Variants in PDE4D observed in about 807,000 individuals in gnomAD.
PDE4D encodes the protein phosphodiesterase 4D, also known as 3',5'-cyclic-AMP phosphodiesterase 4D.
In PDE4D, 24 loss-of-function variants were observed where a neutral mutation model predicts 87.4. The observed-to-expected ratio is 0.27, with a 90% CI of 0.20 to 0.39. The LOEUF (loss-of-function observed/expected upper bound fraction) is 0.39. Ranked by LOEUF, PDE4D falls within the 10% of genes least tolerant of loss-of-function variation. PDE4D has a pLI of 1.00. For missense variants in PDE4D, 714 were observed against 1,041.0 expected (o/e 0.69, Z 4.32); for synonymous variants, 384 against 383.2 (o/e 1.00, Z -0.02).
intron 5 of PDE4D, among the ~76,000 whole-genome samples, chr5:59,061,335 A>G (rs1763081000): frequency 1.3e-5 from 2 of 152,142 alleles, no homozygotes; most frequent in South Asian, 4.1e-4. Flanking sequence ...ATTTTAAAGC[A>G]AAACAGTTTA....
At chr5:60,426,365 T>A (rs1269227672) in intron 1 of PDE4D, among the ~76,000 whole-genome samples, 2 of 152,118 alleles carry the variant, frequency 1.3e-5, no homozygotes, top group African/African-American at 2.4e-5. Flanking sequence ...AAAGGATGAG[T>A]TCATGTCCTT....
At chr5:59,223,956 C>T (rs924315602) in intron 1 of PDE4D, among the ~76,000 whole-genome samples, 7 of 151,664 alleles carry the variant, frequency 4.6e-5, no homozygotes, top group African/African-American at 7.3e-5. Flanking sequence ...TTAACAGACA[C>T]GTTTTACCCT....
chr5:59,350,982 T>C (rs1265920060), intron 1 of PDE4D, among the ~76,000 whole-genome samples: 1 of 152,192 alleles, frequency 6.6e-6, no homozygotes, highest in African/African-American at 2.4e-5. Flanking sequence ...GCCAGCTCTA[T>C]TGTACTATTC....
At chr5:60,103,531 A>C (rs1294070514) in intron 2 of PDE4D, among the ~76,000 whole-genome samples, 1 of 152,210 alleles carries the variant, frequency 6.6e-6, no homozygotes, top group Non-Finnish European at 1.5e-5. Flanking sequence ...AACATGAGCC[A>C]AACTGTTACC....
chr5:60,047,245 G>T (rs1454567632), intron 2 of PDE4D, among the ~76,000 whole-genome samples: 2 of 152,170 alleles, frequency 1.3e-5, no homozygotes, highest in East Asian at 3.9e-4. Flanking sequence ...GCGTCTATTT[G>T]ATTCTTCTCT....
intron 1 of PDE4D, among the ~76,000 whole-genome samples, chr5:59,468,451 CA>C (rs551269799): frequency 6.6e-6 from 1 of 151,954 alleles, no homozygotes; most frequent in South Asian, 2.1e-4. Context: ...AAACAAAACA[CA>C]AAAAAGGGAA....
intron 1 of PDE4D, among the ~76,000 whole-genome samples, chr5:59,722,276 T>C (rs1755950146): frequency 6.6e-6 from 1 of 152,234 alleles, no homozygotes; most frequent in South Asian, 2.1e-4. Flanking sequence ...CTTTTGATCA[T>C]ATTAATGAGT....
At chr5:59,196,858 G>A (rs1387930644) in intron 2 of PDE4D, among the ~76,000 whole-genome samples, 2 of 152,114 alleles carry the variant, frequency 1.3e-5, no homozygotes, top group African/African-American at 2.4e-5. Context: ...TACACAAGGA[G>A]AAAAGACATG....
At chr5:59,494,874 T>C (rs1806879427) in intron 1 of PDE4D, among the ~76,000 whole-genome samples, 1 of 152,164 alleles carries the variant, frequency 6.6e-6, no homozygotes, top group Non-Finnish European at 1.5e-5. Flanking sequence ...ACTTGGAGTG[T>C]TGGAATAAAT....
rs13185873 is a variant in PDE4D, at chr5:59,131,293, A to G, written c.808+49302T>C. On this transcript the variant is annotated intron_variant, in intron 5 of 14. Coordinates refer to ENST00000340635, the MANE Select transcript of PDE4D (RefSeq NM_001104631.2). ...AGAGTATAAGGTAGAAATTGTGACT[A>G]TATTTTTCACTTTCGTATCCCCAAC... is the stretch of plus-strand genomic sequence containing the variant. Among the ~76,000 whole-genome samples the G allele has an allele frequency of 5.3e-5, 8 of 152,238 alleles. No homozygotes were observed. In the South Asian group the frequency reaches 1.4e-3, roughly 28 times the overall value.
intron 6 of PDE4D, among the ~76,000 whole-genome samples, chr5:59,017,931 T>C (rs1023210958): frequency 6.6e-6 from 1 of 152,220 alleles, no homozygotes; most frequent in African/African-American, 2.4e-5. Flanking sequence ...TGTAAAATAG[T>C]GTAGAGCATA....
chr5:60,037,607 C>T lies in PDE4D; in HGVS notation c.43-48890G>A, dbSNP rs189964017. Among the ~76,000 whole-genome samples the T allele has an allele frequency of 3.7e-3, 563 of 152,118 alleles. 2 individuals carry two copies. The highest frequency in any genetic ancestry group is 0.012 in the African/African-American group (489 of 41,488). On this transcript the variant is annotated intron_variant, in intron 2 of 16. Coordinates refer to the PDE4D transcript ENST00000502484. ...AAACAAGAGGGAGAGTGATCTCTGCCCTGGTGGGGTTTTTGCTGAAGCAGA... is the reference window on the plus strand; with the variant it reads ...AAACAAGAGGGAGAGTGATCTCTGCTCTGGTGGGGTTTTTGCTGAAGCAGA...
chr5:60,059,117 G>A (rs564715205), intron 2 of PDE4D, among the ~76,000 whole-genome samples: 1 of 149,638 alleles, frequency 6.7e-6, no homozygotes, highest in East Asian at 2.0e-4. Context: ...GTATGATACA[G>A]TAATGGTGGA....
At chr5:59,069,098 T>C (rs561204689) in intron 5 of PDE4D, among the ~76,000 whole-genome samples, 39 of 152,288 alleles carry the variant, frequency 2.6e-4, no homozygotes, top group African/African-American at 8.2e-4. Flanking sequence ...ATCAGTGCAG[T>C]TGGAGCCTAA....
At chr5:60,383,653 A>G (rs527927648) in intron 1 of PDE4D, among the ~76,000 whole-genome samples, 6 of 152,256 alleles carry the variant, frequency 3.9e-5, no homozygotes, top group Non-Finnish European at 7.3e-5. Flanking sequence ...ATTTGAGAGC[A>G]GAACCCTAAT....
chr5:60,472,925 G>A (rs183919898), intron 1 of PDE4D, among the ~76,000 whole-genome samples: 107 of 152,204 alleles, frequency 7.0e-4, no homozygotes, highest in Non-Finnish European at 7.6e-4. Context: ...AGGTAGGCTA[G>A]GCTAAGCTAT....
At chr5:59,257,376 C>T (rs1242674135) in intron 1 of PDE4D, among the ~76,000 whole-genome samples, 1 of 151,922 alleles carries the variant, frequency 6.6e-6, no homozygotes, top group Non-Finnish European at 1.5e-5. Flanking sequence ...CAGTACCTGG[C>T]CTTTGATATG....
chr5:59,610,663 C>T (rs577039672), intron 1 of PDE4D, among the ~76,000 whole-genome samples: 79 of 152,272 alleles, frequency 5.2e-4, no homozygotes, highest in Admixed American at 8.5e-4. Context: ...GCTGAATTAA[C>T]ATTTTGAGTA....
intron 2 of PDE4D, among the ~76,000 whole-genome samples, chr5:60,045,576 C>T (rs545283561): frequency 1.3e-5 from 2 of 152,284 alleles, no homozygotes; most frequent in African/African-American, 4.8e-5. Flanking sequence ...CAGCTTTCTA[C>T]ATATGGCTAG....
Sources: allele counts gnomAD v4.1 joint callset (sites outside exome capture counted in the v4.1 genomes callset), GRCh38; gene constraint gnomAD v4.1.1; transcripts MANE v1.5; gene names NCBI Gene and HGNC (gene_info 2026-07-23, HGNC 2026-07-21).